MAST4: variants seen among roughly 807,000 people sequenced by gnomAD.
The protein encoded by MAST4 is microtubule-associated serine/threonine-protein kinase 4.
Under a neutral mutation model 162.7 loss-of-function variants are expected in MAST4, and 89 were observed. The observed-to-expected ratio is 0.55, with a 90% CI of 0.46 to 0.65. The LOEUF is 0.65. MAST4 is among the 30% of genes least tolerant of loss of function. MAST4 has a pLI of 0.00. For missense variants in MAST4, 3,153 were observed against 3,374.0 expected, an observed-to-expected ratio of 0.93 and a Z score of 1.62; for synonymous variants, 1,479 against 1,361.1, an observed-to-expected ratio of 1.09 and a Z score of -1.91.
chr5:67,166,603 C>T lies in MAST4; in HGVS notation c.7424C>T (p.Ala2475Val), dbSNP rs1466501727. The T allele has an allele frequency of 6.2e-7, 1 of 1,601,060 alleles. No homozygotes were observed. The highest frequency in any genetic ancestry group is 8.5e-7 in the Non-Finnish European group (1 of 1,174,120). The change falls in exon 29 of 29, where the codon GCC (alanine) becomes GTC (valine). Residue 2475 changes from alanine to valine, a missense_variant. By Grantham distance (64) the Ala-to-Val change is moderately conservative. Transcript: ENST00000403625. ...FPETRAGVRE[A>V]SAASSDTSSA... ...GAAACCAGGGCCGGAGTTAGAGAGGCCTCTGCAGCCAGCAGCGACACCTCT... is the reference window on the plus strand; with the variant it reads ...GAAACCAGGGCCGGAGTTAGAGAGGTCTCTGCAGCCAGCAGCGACACCTCT...
At chr5:66,994,987 AAAT>A (rs1466403623) in intron 4 of MAST4, among the ~76,000 whole-genome samples, 2 of 152,246 alleles carry the variant, frequency 1.3e-5, no homozygotes, top group African/African-American at 4.8e-5. Flanking sequence ...ACCAATCTGC[AAAT>A]AATGACACAT....
chr5:66,970,232 C>T (rs946639066), intron 4 of MAST4, among the ~76,000 whole-genome samples: 2 of 152,118 alleles, frequency 1.3e-5, no homozygotes, highest in African/African-American at 2.4e-5. Context: ...TGGAGGCTTC[C>T]CTTGCTTAGT....
intron 6 of MAST4, among the ~76,000 whole-genome samples, chr5:67,092,567 C>T (rs980358156): frequency 9.2e-5 from 14 of 151,974 alleles, no homozygotes; most frequent in Admixed American, 3.9e-4. Context: ...TTTTCCCTGG[C>T]GGTAAAATGG....
At chr5:67,044,601 A>C (rs931551832) in intron 4 of MAST4, among the ~76,000 whole-genome samples, 4 of 152,088 alleles carry the variant, frequency 2.6e-5, no homozygotes. Context: ...TGTAATCTCA[A>C]ACTCTTAGGA....
At chr5:67,001,924 T>A (rs1751344265) in intron 4 of MAST4, 1 of 152,176 alleles carries the variant, frequency 6.6e-6, no homozygotes, top group Non-Finnish European at 1.5e-5. Context: ...TTCCCTAAAT[T>A]TTTTCTTCTC....
intron 1 of MAST4, among the ~76,000 whole-genome samples, chr5:66,639,278 T>TTGTGTGTGTGTGTGTGTGTGTGTG (rs70987132): frequency 2.6e-4 from 36 of 138,714 alleles, no homozygotes; most frequent in South Asian, 7.7e-4. Context: ...GAGAGGCAGC[T>TTGTGTGTGTGTGTGTGTGTGTGTG]TGTGTGTGTG....
chr5:66,836,452 C>T (rs529324139), intron 3 of MAST4, among the ~76,000 whole-genome samples: 1 of 152,092 alleles, frequency 6.6e-6, no homozygotes, highest in East Asian at 1.9e-4. Flanking sequence ...TGGGATGTAT[C>T]CAAAGGAGTA....
At chr5:66,936,478 G>C (rs1033450925) in intron 4 of MAST4, among the ~76,000 whole-genome samples, 2 of 152,228 alleles carry the variant, frequency 1.3e-5, no homozygotes, top group African/African-American at 4.8e-5. Context: ...GGAGATAGGG[G>C]TGGGGCCATT....
Position 66,655,690 on chromosome 5 carries a change from A to G in MAST4, c.363+58672A>G, listed in dbSNP as rs146120081. The stretch of plus-strand genomic sequence containing the variant: ...GTAGTTTCTCTCAAGTTTACACCCA[A>G]TTTGGGAAACAAGATGCATCACTTT... On this transcript the variant is annotated intron_variant, in intron 1 of 28. Transcript: ENST00000403625. Among the ~76,000 whole-genome samples, 275 of 152,290 alleles carry G rather than the reference A, an allele frequency of 1.8e-3. 1 individual carries two copies. The highest frequency in any genetic ancestry group is 6.3e-3 in the African/African-American group (262 of 41,568).
At chr5:67,109,991 T>C in intron 10 of MAST4, 107 bp from the exon 11 acceptor site, 1 of 754,022 alleles carries the variant, frequency 1.3e-6, no homozygotes, top group Admixed American at 2.2e-5. Context: ...TCTAAATTAC[T>C]CGATTTTTGA....
At position 67,102,669 on chromosome 5, in the gene MAST4, A is replaced by C. The variant is rs936877956; in HGVS notation, c.1146+58A>C. 7.9e-6 allele frequency: 11 copies of C among 1,392,752 alleles called. No homozygotes were observed. The African/African-American group carries it at 1.4e-4, about 18-fold the overall frequency. The allele number at this position is 1,392,752 out of a possible 1,614,324, so 86.3% of individuals were successfully genotyped here. ...AAACGAACAGGCACCATAGGTTTAG[A>C]GTCTGTAAGGTTGTTTTGTTATAGG... On this transcript the variant is annotated intron_variant, in intron 9 of 28. Transcript: ENST00000403625.
intron 10 of MAST4, among the ~76,000 whole-genome samples, chr5:67,106,919 C>T (rs1765662246): frequency 6.6e-6 from 1 of 152,128 alleles, no homozygotes; most frequent in Non-Finnish European, 1.5e-5. Context: ...CAACTGCATG[C>T]CAAAATATTC....
chr5:66,626,673 C>T (rs531137814), intron 1 of MAST4, among the ~76,000 whole-genome samples: 18 of 152,120 alleles, frequency 1.2e-4, no homozygotes, highest in Non-Finnish European at 2.4e-4. Context: ...AAGACAAATG[C>T]TTTAGTTTTA....
chr5:66,879,374 A>T (rs1300094224), intron 3 of MAST4, among the ~76,000 whole-genome samples: 3 of 152,060 alleles, frequency 2.0e-5, no homozygotes, highest in Admixed American at 6.6e-5. Flanking sequence ...ATATATATAT[A>T]TATATACATA....
intron 1 of MAST4, among the ~76,000 whole-genome samples, chr5:66,640,789 T>G (rs533198631): frequency 2.0e-5 from 3 of 152,330 alleles, no homozygotes; most frequent in African/African-American, 7.2e-5. Context: ...CTATGTTTAA[T>G]TTTTTGAGGA....
chr5:66,947,834 T>C (rs1046725364), intron 4 of MAST4, among the ~76,000 whole-genome samples: 2 of 152,154 alleles, frequency 1.3e-5, no homozygotes, highest in Non-Finnish European at 2.9e-5. Flanking sequence ...CTCAAGAATT[T>C]CCCCTCTTTA....
chr5:66,631,506 G>A (rs1443253842), intron 1 of MAST4, among the ~76,000 whole-genome samples: 1 of 152,168 alleles, frequency 6.6e-6, no homozygotes, highest in African/African-American at 2.4e-5. Context: ...GTAGGGCTGA[G>A]TGTCACCGTG....
chr5:66,597,066 A>G (rs1273571296), intron 1 of MAST4, 48 bp downstream of exon 1: 2 of 1,367,626 alleles, frequency 1.5e-6, no homozygotes, highest in Non-Finnish European at 1.9e-6. Context: ...CAGCCGGGCG[A>G]CCGTAGTTTC....
intron 5 of MAST4, among the ~76,000 whole-genome samples, chr5:67,086,792 T>C (rs779868199): frequency 1.3e-5 from 2 of 152,238 alleles, no homozygotes; most frequent in East Asian, 1.9e-4. Context: ...GTGAAGGTCA[T>C]GTATAAGACT....
Sources: gnomAD v4.1 joint callset for allele counts (sites outside exome capture counted in the v4.1 genomes callset) on GRCh38, gnomAD v4.1.1 for gene constraint, MANE v1.5 for transcripts, NCBI Gene and HGNC (gene_info 2026-07-23, HGNC 2026-07-21) for gene names.